The following FKBP5 variants were observed in gnomAD, a reference collection of about 807,000 sequenced individuals.
FKBP5 encodes the protein peptidyl-prolyl cis-trans isomerase FKBP5.
A neutral mutation model predicts 50.5 loss-of-function variants in FKBP5; 23 were observed. The ratio of observed to expected loss-of-function variants is 0.46; its 90% CI spans 0.33 to 0.65. The LOEUF (loss-of-function observed/expected upper bound fraction) is 0.65, where lower values mean the gene tolerates loss of function less well. Among genes scored for constraint, FKBP5 ranks in the 30% least tolerant of loss-of-function variants. FKBP5 has a pLI of 0.02. For synonymous variants in FKBP5, 176 were observed against 190.6 expected, an observed-to-expected ratio of 0.92 and a Z score of 0.63; for missense variants, 411 against 553.1, an observed-to-expected ratio of 0.74 and a Z score of 2.58.
chr6:35,589,110 T>TTTATATG (rs1355058388), intron 7 of FKBP5, among the ~76,000 whole-genome samples: 30 of 103,006 alleles, frequency 2.9e-4, no homozygotes, highest in African/African-American at 1.2e-3. Flanking sequence ...ATATATATTT[T>TTTATATG]TATATATATA....
At chr6:35,679,609 AAT>A (rs1190803155) in intron 1 of FKBP5, among the ~76,000 whole-genome samples, 9 of 152,242 alleles carry the variant, frequency 5.9e-5, no homozygotes, top group African/African-American at 2.2e-4. Context: ...GGAATGAAAT[AAT>A]GTCTTTTACA....
intron 2 of FKBP5, among the ~76,000 whole-genome samples, chr6:35,641,351 T>G (rs1421303176): frequency 1.3e-5 from 2 of 152,192 alleles, no homozygotes; most frequent in South Asian, 2.1e-4. Context: ...GAAAGTATAG[T>G]AAACACATAA....
chr6:35,635,688 T>C (rs1208687828), intron 3 of FKBP5, among the ~76,000 whole-genome samples: 1 of 152,188 alleles, frequency 6.6e-6, no homozygotes, highest in Non-Finnish European at 1.5e-5. Context: ...TATTTGTATA[T>C]TTTGTATTTT....
intron 5 of FKBP5, among the ~76,000 whole-genome samples, chr6:35,609,244 G>A (rs1763421065): frequency 6.6e-6 from 1 of 151,352 alleles, no homozygotes; most frequent in Admixed American, 6.6e-5. Context: ...TTTTGTTTTG[G>A]TACATCCCAC....
At chr6:35,643,609 T>C (rs140498887) in intron 1 of FKBP5, among the ~76,000 whole-genome samples, 135 of 152,290 alleles carry the variant, frequency 8.9e-4, no homozygotes, top group Non-Finnish European at 1.3e-4. Context: ...ATGCAGCTCA[T>C]GCTCCAGCCA....
At chr6:35,687,809 G>A (rs1199620846) in intron 1 of FKBP5, among the ~76,000 whole-genome samples, 1 of 152,138 alleles carries the variant, frequency 6.6e-6, no homozygotes, top group African/African-American at 2.4e-5. Context: ...CTGCATCTCC[G>A]CTTACAACTT....
intron 1 of FKBP5, among the ~76,000 whole-genome samples, chr6:35,670,676 G>A (rs1158635813): frequency 6.6e-6 from 1 of 150,528 alleles, no homozygotes; most frequent in Non-Finnish European, 1.5e-5. Context: ...AGGTTGCAGT[G>A]AGAAAAGATC....
intron 3 of FKBP5, among the ~76,000 whole-genome samples, chr6:35,623,251 T>C (rs1054468347): frequency 2.0e-5 from 3 of 152,090 alleles, no homozygotes; most frequent in Admixed American, 6.6e-5. Flanking sequence ...CAAAAATAAA[T>C]AAATAAATAA....
chr6:35,637,307 A>C, intron 2 of FKBP5, 149 bp from the exon 3 acceptor site: 3 of 682,326 alleles, frequency 4.4e-6, no homozygotes, highest in Non-Finnish European at 7.3e-6. Context: ...TTCATTCCTC[A>C]CAATAACTCA....
intron 3 of FKBP5, among the ~76,000 whole-genome samples, chr6:35,631,755 G>C (rs1243326973): frequency 6.6e-6 from 1 of 152,006 alleles, no homozygotes; most frequent in Non-Finnish European, 1.5e-5. Context: ...AGGAGATCAA[G>C]ACCATCCTGG....
At chr6:35,658,381 C>CAA (rs777064065) in intron 1 of FKBP5, among the ~76,000 whole-genome samples, 9 of 103,964 alleles carry the variant, frequency 8.7e-5, no homozygotes, top group Non-Finnish European at 1.2e-4. Flanking sequence ...GAGACTCCGT[C>CAA]AAAAAAAAAA....
In FKBP5 at chr6:35,639,877, A is replaced by G. The variant is rs573360132; in HGVS notation, c.106-2719T>C. On this transcript the variant is annotated intron_variant, in intron 2 of 10. Transcript: ENST00000357266. The stretch of plus-strand genomic sequence containing the variant: ...CCTGGTAATATTCAGAATGCATCAG[A>G]TAATCTTTTCAGGAAAAACAAAACT... Among the ~76,000 whole-genome samples the G allele has an allele frequency of 4.6e-5, 7 of 152,350 alleles. No homozygotes were observed. In the South Asian group the frequency reaches 1.4e-3, roughly 32 times the overall value.
chr6:35,670,211 G>A (rs1188395663), intron 1 of FKBP5, among the ~76,000 whole-genome samples: 1 of 152,104 alleles, frequency 6.6e-6, no homozygotes, highest in East Asian at 1.9e-4. Flanking sequence ...TGCTGTTTTA[G>A]AGTTAATTAT....
chr6:35,576,382 G>A (rs918496180), intron 10 of FKBP5, among the ~76,000 whole-genome samples: 2 of 152,054 alleles, frequency 1.3e-5, no homozygotes, highest in Non-Finnish European at 2.9e-5. Flanking sequence ...TTTCAAAAAT[G>A]ACAAAAGGGC....
At chr6:35,631,740 AG>A (rs1188877868) in intron 3 of FKBP5, among the ~76,000 whole-genome samples, 1 of 152,046 alleles carries the variant, frequency 6.6e-6, no homozygotes, top group African/African-American at 2.4e-5. Context: ...GTGGATCACG[AG>A]GTCAGGAGAT....
At chr6:35,628,303 AT>A (rs1358269814) in intron 3 of FKBP5, among the ~76,000 whole-genome samples, 1 of 152,160 alleles carries the variant, frequency 6.6e-6, no homozygotes, top group Non-Finnish European at 1.5e-5. Flanking sequence ...TTAAATGTAC[AT>A]TTACATTTGA....
intron 5 of FKBP5, among the ~76,000 whole-genome samples, chr6:35,618,094 ACT>A (rs2150976668): frequency 1.3e-5 from 2 of 152,270 alleles, no homozygotes; most frequent in Non-Finnish European, 2.9e-5. Flanking sequence ...CTGTTTAGTA[ACT>A]CTGTAACCCT....
chr6:35,679,021 T>G (rs1220913412), intron 1 of FKBP5, among the ~76,000 whole-genome samples: 1 of 152,218 alleles, frequency 6.6e-6, no homozygotes, highest in Middle Eastern at 3.2e-3. Flanking sequence ...AGGTCAAGGC[T>G]GCAGCATGCT....
At chr6:35,644,056 T>C (rs997145600) in intron 1 of FKBP5, among the ~76,000 whole-genome samples, 1 of 152,194 alleles carries the variant, frequency 6.6e-6, no homozygotes, top group African/African-American at 2.4e-5. Flanking sequence ...AATAAAAATA[T>C]CTGTTTTCAC....
Sources: gnomAD v4.1 joint callset for allele counts (sites outside exome capture counted in the v4.1 genomes callset) on GRCh38, gnomAD v4.1.1 for gene constraint, MANE v1.5 for transcripts, NCBI Gene and HGNC (gene_info 2026-07-23, HGNC 2026-07-21) for gene names.